Variants in ASIC2 observed in about 807,000 individuals in gnomAD.
The protein encoded by ASIC2 is acid-sensing ion channel 2.
In ASIC2, 25 loss-of-function variants were observed where a neutral mutation model predicts 57.3. The ratio of observed to expected loss-of-function variants is 0.44; its 90% CI spans 0.32 to 0.61. The LOEUF (loss-of-function observed/expected upper bound fraction) is 0.61. Among genes scored for constraint, ASIC2 ranks in the 20% least tolerant of loss-of-function variants. ASIC2 has a pLI of 0.06. For synonymous variants in ASIC2, 319 were observed against 307.5 expected (o/e 1.04, Z -0.39); for missense variants, 641 against 738.1 (o/e 0.87, Z 1.52).
intron 1 of ASIC2, among the ~76,000 whole-genome samples, chr17:33,149,578 T>C (rs1285716326): frequency 1.3e-5 from 2 of 152,240 alleles, no homozygotes; most frequent in African/African-American, 4.8e-5. Flanking sequence ...TTCAGGTGAC[T>C]GAAAACTCAT....
chr17:33,236,605 T>C (rs939855901), intron 1 of ASIC2, among the ~76,000 whole-genome samples: 1 of 152,160 alleles, frequency 6.6e-6, no homozygotes, highest in African/African-American at 2.4e-5. Flanking sequence ...CCTCCCAAAG[T>C]GCTGGGATTA....
intron 1 of ASIC2, among the ~76,000 whole-genome samples, chr17:33,414,135 A>G (rs1314473900): frequency 1.3e-5 from 2 of 152,072 alleles, no homozygotes; most frequent in African/African-American, 4.8e-5. Flanking sequence ...CCAACTTAAG[A>G]CCAACACAAG....
chr17:33,315,579 G>T (rs548145721), intron 1 of ASIC2, among the ~76,000 whole-genome samples: 1 of 152,302 alleles, frequency 6.6e-6, no homozygotes, highest in Admixed American at 6.5e-5. Context: ...GTGGAGAAAA[G>T]AATGGGTTAA....
intron 1 of ASIC2, among the ~76,000 whole-genome samples, chr17:33,716,815 A>G (rs962377626): frequency 6.6e-6 from 1 of 152,212 alleles, no homozygotes; most frequent in Admixed American, 6.5e-5. Context: ...TCCTCAAGCT[A>G]TCTGTCTATC....
At chr17:33,287,524 C>A (rs988989426) in intron 1 of ASIC2, among the ~76,000 whole-genome samples, 1 of 152,218 alleles carries the variant, frequency 6.6e-6, no homozygotes, top group Non-Finnish European at 1.5e-5. Context: ...GTGTGCAGAG[C>A]TCAAGTCCAC....
intron 7 of ASIC2, among the ~76,000 whole-genome samples, chr17:33,018,043 T>C (rs1465177407): frequency 1.3e-5 from 2 of 152,178 alleles, no homozygotes; most frequent in African/African-American, 4.8e-5. Context: ...AGGATGTGTG[T>C]GGACTGGTGA....
Position 33,600,294 on chromosome 17 carries a change from C to G in ASIC2, c.556-488227G>C, listed in dbSNP as rs188830570. ...TCCTCTCTCTTTTGTCCTTGTGATG[C>G]CTTCTGCATGTTATGACATAGCGAG... On this transcript the variant is annotated intron_variant, in intron 1 of 9. Transcript: ENST00000359872. Among the ~76,000 whole-genome samples the G allele has an allele frequency of 7.9e-5, 12 of 152,346 alleles. No individual in the cohort carries two copies. The East Asian group carries it at 2.3e-3, about 29-fold the overall frequency.
intron 1 of ASIC2, among the ~76,000 whole-genome samples, chr17:33,897,917 G>C (rs1915135298): frequency 6.6e-6 from 1 of 152,182 alleles, no homozygotes; most frequent in Non-Finnish European, 1.5e-5. Context: ...AGAAATCGAA[G>C]ATGGATGATG....
Position 33,292,201 on chromosome 17 carries a change from A to C in ASIC2, c.-86T>G, listed in dbSNP as rs1222928730. 1 of 1,005,304 alleles carries C rather than the reference A, an allele frequency of 9.9e-7. No homozygotes were observed. The highest frequency in any genetic ancestry group is 1.0e-4 in the East Asian group (1 of 9,642). 62.3% of individuals were successfully genotyped at this position (1,005,304 alleles called of 1,614,324 possible). ...AGTCCGCAGCAGCAGTGGAAGCAGC[A>C]GCAGCGGCAGCCGCGCGCAGCCCGC... On this transcript the variant is annotated 5_prime_UTR_variant, in exon 1 of 10. Transcript: ENST00000225823.
At chr17:33,433,585 G>A (rs144252977) in intron 1 of ASIC2, among the ~76,000 whole-genome samples, 6 of 151,968 alleles carry the variant, frequency 3.9e-5, no homozygotes, top group African/African-American at 4.8e-5. Flanking sequence ...GTGAAACCCC[G>A]TCTAAAATAC....
At chr17:33,626,364 A>G (rs547898641) in intron 1 of ASIC2, among the ~76,000 whole-genome samples, 1 of 152,342 alleles carries the variant, frequency 6.6e-6, no homozygotes, top group South Asian at 2.1e-4. Context: ...AGTATACCAT[A>G]TATCATAATT....
chr17:33,243,126 C>A (rs1908571141), intron 1 of ASIC2, among the ~76,000 whole-genome samples: 1 of 152,202 alleles, frequency 6.6e-6, no homozygotes, highest in African/African-American at 2.4e-5. Context: ...AAACCAGCAG[C>A]TGATGACAGA....
intron 1 of ASIC2, among the ~76,000 whole-genome samples, chr17:33,677,576 T>C (rs1907864982): frequency 6.6e-6 from 1 of 152,158 alleles, no homozygotes; most frequent in African/African-American, 2.4e-5. Flanking sequence ...GATCAACATA[T>C]TAACTTTAGT....
chr17:33,666,941 G>T (rs1907493396), intron 1 of ASIC2, among the ~76,000 whole-genome samples: 1 of 152,138 alleles, frequency 6.6e-6, no homozygotes, highest in Non-Finnish European at 1.5e-5. Context: ...TACAATATTT[G>T]GGAAATCCTT....
At chr17:33,579,273 T>C (rs1271285537) in intron 1 of ASIC2, among the ~76,000 whole-genome samples, 1 of 116,092 alleles carries the variant, frequency 8.6e-6, no homozygotes, top group South Asian at 2.8e-4. Flanking sequence ...GTAGCACGAA[T>C]GAAACTGTGT....
chr17:33,999,390 T>C (rs1387648792), intron 1 of ASIC2, among the ~76,000 whole-genome samples: 1 of 152,190 alleles, frequency 6.6e-6, no homozygotes, highest in Admixed American at 6.5e-5. Context: ...GGCATTACTA[T>C]TGCCATTTTG....
At chr17:33,014,175 C>T in intron 9 of ASIC2, 109 bp from the exon 10 acceptor site, 1 of 814,844 alleles carries the variant, frequency 1.2e-6, no homozygotes, top group Non-Finnish European at 2.1e-6. Flanking sequence ...CACTTGTGGG[C>T]TGCTTCTGCT....
intron 1 of ASIC2, among the ~76,000 whole-genome samples, chr17:34,073,450 G>A (rs1475906445): frequency 6.6e-6 from 1 of 152,236 alleles, no homozygotes; most frequent in Non-Finnish European, 1.5e-5. Context: ...TGTAGGGAAA[G>A]TTAGATATTT....
chr17:33,549,923 C>G (rs1915694671), intron 1 of ASIC2, among the ~76,000 whole-genome samples: 1 of 152,182 alleles, frequency 6.6e-6, no homozygotes, highest in South Asian at 2.1e-4. Flanking sequence ...CATGGGGCGG[C>G]TAAACCTAGG....
Sources: allele counts gnomAD v4.1 joint callset (sites outside exome capture counted in the v4.1 genomes callset), GRCh38; gene constraint gnomAD v4.1.1; transcripts MANE v1.5; gene names NCBI Gene and HGNC (gene_info 2026-07-23, HGNC 2026-07-21).